The following MAN2A2 variants were observed in gnomAD, a reference collection of about 807,000 sequenced individuals.
The protein encoded by MAN2A2 is mannosidase alpha class 2A member 2, also known as alpha-mannosidase 2x.
A neutral mutation model predicts 126.8 loss-of-function variants in MAN2A2; 79 were observed. The observed-to-expected ratio is 0.62, with a 90% CI of 0.52 to 0.75. MAN2A2 has a LOEUF of 0.75. Among genes scored for constraint, MAN2A2 ranks in the 30% least tolerant of loss-of-function variants. The pLI is 0.00. For synonymous variants in MAN2A2, 671 were observed against 618.7 expected (o/e 1.08, Z -1.25); for missense variants, 1,392 against 1,522.4 (o/e 0.91, Z 1.43).
chr15:90,904,672 C>T (rs539967942), intron 2 of MAN2A2, among the ~76,000 whole-genome samples: 1 of 152,000 alleles, frequency 6.6e-6, no homozygotes, highest in South Asian at 2.1e-4. Context: ...TCACTGCAAC[C>T]TCCGCCTCCC....
intron 19 of MAN2A2, among the ~76,000 whole-genome samples, chr15:90,914,936 C>T (rs1414215526): frequency 6.6e-6 from 1 of 152,240 alleles, no homozygotes. Flanking sequence ...GCAAAACGAA[C>T]AGTTTGCACT....
At position 90,910,606 on chromosome 15, in the gene MAN2A2, C is replaced by T. The variant is rs776848592; in HGVS notation, c.1683C>T (p.Arg561=). The T allele has an allele frequency of 9.6e-5, 155 of 1,614,168 alleles. 6 individuals carry two copies. In the South Asian group the frequency reaches 1.3e-3, roughly 13 times the overall value. Residue 561 remains arginine (R), a synonymous_variant, in exon 11 of 23, where the codon CGC becomes CGT. Transcript: ENST00000559717. ...SDFTLLTEAR[R]TLGLFQHHDA... The stretch of plus-strand genomic sequence containing the variant: ...TCACCCTCCTGACGGAAGCTCGGCG[C>T]ACATTGGGGCTCTTCCAGCATCACG...
chr15:90,909,405 T>C lies in MAN2A2; in HGVS notation c.1275T>C (p.Asp425=), dbSNP rs1236136351. 3 of 1,614,140 alleles carry C rather than the reference T, an allele frequency of 1.9e-6. No homozygotes were observed. Among genetic ancestry groups the C allele is most frequent in the Non-Finnish European group, 2.5e-6 (3 of 1,179,988 alleles). Reference sequence around the variant, plus strand: ...ACGTCCTCCTGGTGCCTCTTGGAGATGACTTCCGATATGACAAGCCCCAGG... The same window carrying C: ...ACGTCCTCCTGGTGCCTCTTGGAGACGACTTCCGATATGACAAGCCCCAGG... The part of the protein sequence containing the change: ...RSNVLLVPLG[D]DFRYDKPQEW... The change falls in exon 9 of 23, where the codon GAT becomes GAC. Residue 425 remains aspartate (D), a synonymous_variant. Transcript: ENST00000559717.
intron 1 of MAN2A2, chr15:90,903,696 T>C (rs1260099616): frequency 4.2e-6 from 1 of 235,516 alleles, no homozygotes; most frequent in African/African-American, 2.2e-5. Context: ...AAACTCATTC[T>C]GTGTTTCTGA....
Position 90,904,520 on chromosome 15 carries a change from G to A in MAN2A2, c.132+181G>A, listed in dbSNP as rs940702778. Among the ~76,000 whole-genome samples the A allele has an allele frequency of 3.6e-5, 4 of 109,828 alleles. No homozygotes were observed. The East Asian group carries it at 2.8e-3, about 76-fold the overall frequency. The allele number at this position is 109,828 out of a possible 152,430, so 72.1% of individuals were successfully genotyped here. On this transcript the variant is annotated intron_variant, in intron 2 of 22. Transcript: ENST00000559717. The stretch of plus-strand genomic sequence containing the variant: ...ACCCTCAGCTAAAAACAGTGATGGC[G>A]AAAAGAAGGAAGGAAGAAAAAATGT...
In MAN2A2 at chr15:90,918,685, A is replaced by G; in HGVS notation, c.3230A>G (p.His1077Arg). 6.6e-7 allele frequency: 1 copy of G among 1,521,534 alleles called. No individual in the cohort carries two copies. Among genetic ancestry groups the G allele is most frequent in the Non-Finnish European group, 9.1e-7 (1 of 1,096,178 alleles). The allele number at this position is 1,521,534 out of a possible 1,614,324, so 94.3% of individuals were successfully genotyped here. A position where few individuals can be genotyped will look rare whatever the true frequency, so the allele number is the denominator to read the frequency against. ...LPSAETALIL[H>R]RKGFDCGLEA... ...TCGGCGGAGACCGCACTCATCTTAC[A>G]CCGCAAGGGTTTTGACTGCGGCCTG... The change falls in exon 22 of 23, where the codon CAC (histidine) becomes CGC (arginine). Residue 1077 changes from histidine (H) to arginine (R), a missense_variant. His to Arg is a conservative substitution (Grantham distance 29). Transcript: ENST00000559717.
In MAN2A2 at chr15:90,910,854, C is replaced by G; in HGVS notation, c.1768C>G (p.Arg590Gly). Residue 590 changes from arginine (R) to glycine (G), a missense_variant, in exon 12 of 23, where the codon CGC becomes GGC. Arg to Gly is a moderately radical substitution (Grantham distance 125, BLOSUM62 -2). Transcript: ENST00000559717. Reference sequence around the variant, plus strand: ...CTCCTGCGCCACCCACAGGCTTCTGCGCTCCCTTGTCAACCTGAAGCAGGT... The same window carrying G: ...CTCCTGCGCCACCCACAGGCTTCTGGGCTCCCTTGTCAACCTGAAGCAGGT... Reference protein sequence around the residue: ...VVVDYGVRLLRSLVNLKQVII... With the variant: ...VVVDYGVRLLGSLVNLKQVII... 1.9e-6 allele frequency: 3 copies of G among 1,613,812 alleles called. No homozygotes were observed. Among genetic ancestry groups the G allele is most frequent in the Non-Finnish European group, 2.5e-6 (3 of 1,179,800 alleles).
At position 90,908,584 on chromosome 15, in the gene MAN2A2, ATTT is replaced by A. The variant is rs10532338; in HGVS notation, c.1197-730_1197-728del. Among the ~76,000 whole-genome samples, 56 of 144,686 alleles carry A rather than the reference ATTT, an allele frequency of 3.9e-4. No homozygotes were observed. The East Asian group carries it at 5.3e-3, about 14-fold the overall frequency. The allele number at this position is 144,686 out of a possible 152,430, so 94.9% of individuals were successfully genotyped here. ...GATTTTATTTTATTTATTTAATTTAATTTTTTTTTTTTTTTGAGATGGAGTCTG... is the reference window on the plus strand; with the variant it reads ...GATTTTATTTTATTTATTTAATTTAATTTTTTTTTTTTGAGATGGAGTCTG... On this transcript the variant is annotated intron_variant, in intron 8 of 22. Coordinates refer to ENST00000559717, the MANE Select transcript of MAN2A2 (RefSeq NM_006122.4).
At chr15:90,917,476 G>C (rs918273468) in intron 20 of MAN2A2, among the ~76,000 whole-genome samples, 11 of 152,330 alleles carry the variant, frequency 7.2e-5, no homozygotes, top group Admixed American at 2.6e-4. Flanking sequence ...CTGGAGGAGG[G>C]TGACAGCGGG....
Position 90,918,377 on chromosome 15 carries a change from C to T in MAN2A2, c.3178C>T (p.Leu1060Phe). ...CTTCCACCTGCTCAACCTACGTACG[C>T]TCCAGGCTGAGGTGAGTGTCCCTCA... ...CDFHLLNLRT[L>F]QAEEDTLPSA... The change falls in exon 21 of 23, where the codon CTC becomes TTC. Residue 1060 changes from leucine to phenylalanine, a missense_variant. Leu to Phe is a conservative substitution (Grantham distance 22, BLOSUM62 0). Transcript: ENST00000559717. 1.9e-6 allele frequency: 3 copies of T among 1,613,700 alleles called. No individual in the cohort carries two copies. Among genetic ancestry groups the T allele is most frequent in the Non-Finnish European group, 2.5e-6 (3 of 1,179,714 alleles).
intron 12 of MAN2A2, 32 bp from the exon 13 acceptor site, chr15:90,911,139 T>C (rs752687992): frequency 3.7e-6 from 6 of 1,610,988 alleles, no homozygotes; most frequent in Non-Finnish European, 5.1e-6. Context: ...GAGCCCATGA[T>C]GGTTCTTCCC....
upstream of MAN2A2, chr15:90,902,809 G>A (rs1317464966): frequency 2.7e-5 from 4 of 146,450 alleles, no homozygotes; most frequent in Non-Finnish European, 4.6e-5. Flanking sequence ...GGCGGCCCGG[G>A]GCCCAGCGGG....
chr15:90,909,153 A>G (rs956241579), intron 8 of MAN2A2, among the ~76,000 whole-genome samples, 174 bp from the exon 9 acceptor site: 2 of 152,168 alleles, frequency 1.3e-5, no homozygotes, highest in South Asian at 2.1e-4. Flanking sequence ...AACTGCCCAG[A>G]GAGCACCGGA....
rs373835873 is a variant in MAN2A2 at position 90,906,005 on chromosome 15, G to A, written c.696G>A (p.Ala232=). ...ACAACATCAATGTCCAAAAGAGAGC[G>A]GCAGTCCGAAGGCCAGTACCAGGCG... is the stretch of plus-strand genomic sequence containing the variant. ...WWDNINVQKR[A]AVRRLVGNGQ... Residue 232 remains alanine, a synonymous_variant, in exon 5 of 23, where the codon GCG becomes GCA. Coordinates refer to ENST00000559717, the MANE Select transcript of MAN2A2 (RefSeq NM_006122.4). 44 of 1,613,758 alleles carry A rather than the reference G, an allele frequency of 2.7e-5. No individual in the cohort carries two copies. The highest frequency in any genetic ancestry group is 2.4e-4 in the South Asian group (22 of 91,090).
In MAN2A2 at chr15:90,912,906, G is replaced by A. The variant is rs1237683804; in HGVS notation, c.2499G>A (p.Leu833=). 7 of 1,614,002 alleles carry A rather than the reference G, an allele frequency of 4.3e-6. No individual in the cohort carries two copies. In the Admixed American group the frequency reaches 8.3e-5, roughly 19 times the overall value. ...ACGTCCCCAAGGAGCCCCCCGTGCT[G>A]CGTGTCACTGAAGGCCCTTTCTTCT... ...KPYVPKEPPV[L]RVTEGPFFSE... is the part of the protein sequence containing the mutation. Residue 833 remains leucine (L), a synonymous_variant, in exon 17 of 23, where the codon CTG becomes CTA. Coordinates refer to ENST00000559717, the MANE Select transcript of MAN2A2 (RefSeq NM_006122.4).
At chr15:90,907,145 G>C in intron 7 of MAN2A2, 164 bp from the exon 8 acceptor site, 1 of 839,016 alleles carries the variant, frequency 1.2e-6, no homozygotes, top group Non-Finnish European at 1.8e-6. Flanking sequence ...GTCCCCTGAG[G>C]GAGCCCCTCA....
chr15:90,904,346 C>T lies in MAN2A2; in HGVS notation c.132+7C>T, dbSNP rs201522267. 5 of 1,611,938 alleles carry T rather than the reference C, an allele frequency of 3.1e-6. No individual in the cohort carries two copies. Among genetic ancestry groups the T allele is most frequent in the Admixed American group, 3.3e-5 (2 of 59,946 alleles). On this transcript the variant is annotated splice_region_variant and intron_variant, in intron 2 of 22. Transcript: ENST00000559717. ...TGGTGGGAACTTCCCCCGGGTGAGT[C>T]GTGCCTGGTTGCTAATTTCTTTGTA...
At chr15:90,905,549 T>TG in intron 3 of MAN2A2, 30 bp from the exon 4 acceptor site, 1 of 1,614,106 alleles carries the variant, frequency 6.2e-7, no homozygotes. Flanking sequence ...TGGCCACGAC[T>TG]GGGGTACTGA....
At chr15:90,916,736 G>C in intron 20 of MAN2A2, 1 of 1,089,704 alleles carries the variant, frequency 9.2e-7, no homozygotes, top group Non-Finnish European at 1.2e-6. Flanking sequence ...GACAGAGCCC[G>C]CCACTCAGTC....
Sources: allele counts gnomAD v4.1 joint callset (sites outside exome capture counted in the v4.1 genomes callset), GRCh38; gene constraint gnomAD v4.1.1; transcripts MANE v1.5; gene names NCBI Gene and HGNC (gene_info 2026-07-23, HGNC 2026-07-21).